Variants in UNC13C observed in about 807,000 individuals in gnomAD.
The protein encoded by UNC13C is unc-13 homolog C.
A neutral mutation model predicts 245.4 loss-of-function variants in UNC13C; 174 were observed. The ratio of observed to expected loss-of-function variants is 0.71; its 90% CI spans 0.63 to 0.80. UNC13C has a LOEUF of 0.80. UNC13C is among the 30% of genes least tolerant of loss of function. UNC13C has a pLI of 0.00. For synonymous variants in UNC13C, 992 were observed against 895.1 expected, an observed-to-expected ratio of 1.11 and a Z score of -1.93; for missense variants, 2,829 against 2,602.9, an observed-to-expected ratio of 1.09 and a Z score of -1.89.
Position 54,014,298 on chromosome 15 carries a change from C to T in UNC13C, c.1395C>T (p.Tyr465=), listed in dbSNP as rs375949452. 9.3e-6 allele frequency: 15 copies of T among 1,613,924 alleles called. No homozygotes were observed. The highest frequency in any genetic ancestry group is 4.5e-5 in the East Asian group (2 of 44,878). Reference sequence around the variant, plus strand: ...AATCTGACCTCAATAGAAACAGTTACGCTGTGCTTTCCAAGTCAGAGCTTC... The same window carrying T: ...AATCTGACCTCAATAGAAACAGTTATGCTGTGCTTTCCAAGTCAGAGCTTC... ...DLESDLNRNS[Y]AVLSKSELLT... is the part of the protein sequence containing the mutation. The change falls in exon 2 of 33, where the codon TAC becomes TAT. Residue 465 remains tyrosine, a synonymous_variant. Transcript: ENST00000260323.
At chr15:54,363,608 G>A (rs1018539379) in intron 17 of UNC13C, among the ~76,000 whole-genome samples, 8 of 152,266 alleles carry the variant, frequency 5.3e-5, no homozygotes, top group Middle Eastern at 3.4e-3. Context: ...ATTTTAAGCC[G>A]CAGCATGGCA....
chr15:54,453,000 G>T (rs927976609), intron 19 of UNC13C, among the ~76,000 whole-genome samples: 1 of 152,212 alleles, frequency 6.6e-6, no homozygotes, highest in African/African-American at 2.4e-5. Context: ...TGGGGCCCAG[G>T]ACAGGATGCA....
rs75420178 is a variant in UNC13C, at chr15:54,134,956, T to C, written c.2984-8062T>C. 9.9e-3 allele frequency among the ~76,000 whole-genome samples: 1,501 copies of C among 152,332 alleles called. 57 individuals carry two copies. The highest frequency in any genetic ancestry group is 0.089 in the East Asian group (459 of 5,182). On this transcript the variant is annotated intron_variant, in intron 2 of 32. Transcript: ENST00000260323. ...GTCATCAATGTACAAGAGTTCCTTT[T>C]TGTGCATGCCATTACCAACACATTA...
chr15:54,563,930 T>C (rs1366799156), intron 29 of UNC13C, among the ~76,000 whole-genome samples: 1 of 152,048 alleles, frequency 6.6e-6, no homozygotes, highest in Non-Finnish European at 1.5e-5. Flanking sequence ...CTCCTGATTA[T>C]CTGTGCCAGT....
At position 54,338,356 on chromosome 15, in the gene UNC13C, G is replaced by A; in HGVS notation, c.4585-5G>A. The A allele has an allele frequency of 6.2e-7, 1 of 1,610,114 alleles. No individual in the cohort carries two copies. The highest frequency in any genetic ancestry group is 8.5e-7 in the Non-Finnish European group (1 of 1,177,652). Reference sequence around the variant, plus strand: ...TTTGAGAAAATAAATGTCTGTCTTTGTCAGGTTCTGGAGCTGCAAAGCCCC... The same window carrying A: ...TTTGAGAAAATAAATGTCTGTCTTTATCAGGTTCTGGAGCTGCAAAGCCCC... On this transcript the variant is annotated splice_polypyrimidine_tract_variant and splice_region_variant and intron_variant, in intron 16 of 32. Coordinates refer to ENST00000260323, the MANE Select transcript of UNC13C (RefSeq NM_001080534.3).
At chr15:54,587,369 T>C (rs1055121167) in intron 30 of UNC13C, among the ~76,000 whole-genome samples, 2 of 152,216 alleles carry the variant, frequency 1.3e-5, no homozygotes, top group Admixed American at 1.3e-4. Context: ...TCAGAGTCTA[T>C]TGTAAGGAAA....
At chr15:54,344,825 C>G (rs376590125) in intron 17 of UNC13C, among the ~76,000 whole-genome samples, 2 of 152,118 alleles carry the variant, frequency 1.3e-5, no homozygotes, top group East Asian at 3.9e-4. Flanking sequence ...CACTTTTCAC[C>G]AGATCCATGC....
intron 1 of UNC13C, among the ~76,000 whole-genome samples, chr15:53,984,435 A>G (rs919165156): frequency 3.3e-5 from 5 of 152,078 alleles, no homozygotes; most frequent in African/African-American, 7.2e-5. Context: ...ATATTTTTGC[A>G]TGTTACTTTT....
the UNC13C span, among the ~76,000 whole-genome samples, chr15:53,895,345 CAAAAAAA>C: frequency 9.6e-4 from 33 of 34,266 alleles, no homozygotes; most frequent in Admixed American, 1.8e-3. Flanking sequence ...GATTTCATCT[CAAAAAAA>C]AAAAAAAAAA....
intron 4 of UNC13C, among the ~76,000 whole-genome samples, chr15:54,195,050 C>G (rs756748454): frequency 6.6e-6 from 1 of 152,068 alleles, no homozygotes; most frequent in African/African-American, 2.4e-5. Context: ...TTTTCAGGAT[C>G]GGAAGTTTTG....
At chr15:54,256,001 G>A (rs148610138) in intron 8 of UNC13C, among the ~76,000 whole-genome samples, 51 of 152,206 alleles carry the variant, frequency 3.4e-4, no homozygotes, top group African/African-American at 1.2e-3. Context: ...TGCCGTAGAG[G>A]TATTCTATAT....
intron 4 of UNC13C, among the ~76,000 whole-genome samples, chr15:54,175,347 A>G (rs1023647966): frequency 6.6e-6 from 1 of 152,142 alleles, no homozygotes; most frequent in African/African-American, 2.4e-5. Context: ...GAGGAGCAGA[A>G]GCCATGGTGT....
chr15:54,081,665 T>C (rs945612528), intron 2 of UNC13C, among the ~76,000 whole-genome samples: 4 of 152,160 alleles, frequency 2.6e-5, no homozygotes, highest in African/African-American at 9.6e-5. Flanking sequence ...TCTCTTTACT[T>C]TGAGTCTGTG....
intron 10 of UNC13C, 79 bp from the exon 11 acceptor site, chr15:54,293,807 CTAGAATAGA>C: frequency 2.6e-6 from 3 of 1,164,968 alleles, no homozygotes; most frequent in Non-Finnish European, 3.4e-6. Flanking sequence ...TTATGCCTTT[CTAGAATAGA>C]TAGAAAATAA....
chr15:53,919,821 T>G, the UNC13C span, among the ~76,000 whole-genome samples: 1 of 152,186 alleles, frequency 6.6e-6, no homozygotes, highest in African/African-American at 2.4e-5. Flanking sequence ...TCTAAAGTTT[T>G]GGTTAAAAAT....
chr15:54,115,496 C>G (rs899369312), intron 2 of UNC13C, among the ~76,000 whole-genome samples: 3 of 151,700 alleles, frequency 2.0e-5, no homozygotes, highest in African/African-American at 7.3e-5. Context: ...TTTTATTTTT[C>G]TTTTTAAAAT....
chr15:53,995,194 A>G (rs548512120), intron 1 of UNC13C, among the ~76,000 whole-genome samples: 6 of 152,294 alleles, frequency 3.9e-5, no homozygotes, highest in South Asian at 4.1e-4. Context: ...TGCAAAGAAT[A>G]GAAGATAGAT....
intron 2 of UNC13C, among the ~76,000 whole-genome samples, chr15:54,083,394 C>T (rs1899060554): frequency 6.6e-6 from 1 of 152,162 alleles, no homozygotes; most frequent in Non-Finnish European, 1.5e-5. Flanking sequence ...GTCTGGCCTC[C>T]GTTGTCAGGG....
rs867503596 is a variant in UNC13C, at chr15:54,081,846, G to A, written c.2984-61172G>A. Reference sequence around the variant, plus strand: ...CCTCTCCTAGCATTGTTAGCTAGTTGCTTTGTACAATTGTGTAGCTGCTTT... The same window carrying A: ...CCTCTCCTAGCATTGTTAGCTAGTTACTTTGTACAATTGTGTAGCTGCTTT... On this transcript the variant is annotated intron_variant, in intron 2 of 32. Transcript: ENST00000260323. 1.1e-4 allele frequency among the ~76,000 whole-genome samples: 17 copies of A among 152,154 alleles called. No individual in the cohort carries two copies. The South Asian group carries it at 1.2e-3, about 11-fold the overall frequency.
Sources: gnomAD v4.1 joint callset for allele counts (sites outside exome capture counted in the v4.1 genomes callset) on GRCh38, gnomAD v4.1.1 for gene constraint, MANE v1.5 for transcripts, NCBI Gene and HGNC (gene_info 2026-07-23, HGNC 2026-07-21) for gene names.